GPC5: variants seen among roughly 807,000 people sequenced by gnomAD.
GPC5 encodes glypican 5.
A neutral mutation model predicts 53.9 loss-of-function variants in GPC5; 47 were observed. That is an observed-to-expected ratio of 0.87 (90% CI 0.69 to 1.11). The LOEUF is 1.11. Ranked by LOEUF, GPC5 falls within the 50% of genes most tolerant of loss-of-function variation. The probability of loss-of-function intolerance (pLI) is 0.00; values close to 1 mark genes in which losing one functional copy is unlikely to be tolerated. For missense variants in GPC5, 748 were observed against 713.1 expected (o/e 1.05, Z -0.56); for synonymous variants, 286 against 263.3 (o/e 1.09, Z -0.84).
chr13:92,743,835 G>A (rs556363155), intron 7 of GPC5, among the ~76,000 whole-genome samples: 30 of 152,168 alleles, frequency 2.0e-4, no homozygotes, highest in African/African-American at 6.5e-4. Flanking sequence ...TGCATCTATC[G>A]AGATAATCAT....
intron 7 of GPC5, among the ~76,000 whole-genome samples, chr13:92,295,257 C>A (rs1219152693): frequency 6.6e-6 from 1 of 152,114 alleles, no homozygotes; most frequent in Non-Finnish European, 1.5e-5. Context: ...AAATTTCTAT[C>A]CTGATTTCAT....
In GPC5 at chr13:92,314,207, G is replaced by A. The variant is rs1429907821; in HGVS notation, c.1561+169218G>A. ...GCAAGGGCAGCTAGGTGGTTGCTAG[G>A]TATCTTGTACCTTTCCTCTCTCTCT... On this transcript the variant is annotated intron_variant, in intron 7 of 7. Coordinates refer to ENST00000377067, the MANE Select transcript of GPC5 (RefSeq NM_004466.6). 2.6e-5 allele frequency among the ~76,000 whole-genome samples: 4 copies of A among 152,082 alleles called. No individual in the cohort carries two copies. In the East Asian group the frequency reaches 7.7e-4, roughly 29 times the overall value.
At chr13:91,440,191 C>A (rs61444941) in intron 1 of GPC5, among the ~76,000 whole-genome samples, 1,740 of 152,272 alleles carry the variant, frequency 0.011, 36 homozygotes, top group African/African-American at 0.041. Context: ...CCTGTTTTCT[C>A]TCTTCTTGCC....
intron 2 of GPC5, among the ~76,000 whole-genome samples, chr13:91,625,069 T>C (rs2033962317): frequency 6.6e-6 from 1 of 151,924 alleles, no homozygotes; most frequent in African/African-American, 2.4e-5. Context: ...ACTATTTTTC[T>C]TTGTGTATTC....
chr13:91,402,886 T>C (rs1403149875), intron 1 of GPC5, among the ~76,000 whole-genome samples: 3 of 152,236 alleles, frequency 2.0e-5, no homozygotes, highest in Non-Finnish European at 2.9e-5. Flanking sequence ...ATGGTGAATA[T>C]TTTGTTTATT....
At chr13:91,508,061 G>A (rs1885040422) in intron 2 of GPC5, among the ~76,000 whole-genome samples, 4 of 152,122 alleles carry the variant, frequency 2.6e-5, no homozygotes, top group South Asian at 2.1e-4. Flanking sequence ...TAAAGGATAA[G>A]TGACCTTTCT....
chr13:91,800,777 G>C (rs1334569180), intron 5 of GPC5, among the ~76,000 whole-genome samples: 1 of 151,970 alleles, frequency 6.6e-6, no homozygotes, highest in Non-Finnish European at 1.5e-5. Context: ...CAGATTTTTA[G>C]ACATGGAAGT....
intron 1 of GPC5, among the ~76,000 whole-genome samples, chr13:91,427,188 T>C (rs1879118097): frequency 6.6e-6 from 1 of 152,320 alleles, no homozygotes; most frequent in Admixed American, 6.5e-5. Flanking sequence ...CACTGCCTAG[T>C]GCAGCTGTGA....
chr13:91,816,706 G>A (rs914741258), intron 5 of GPC5, among the ~76,000 whole-genome samples: 1 of 152,060 alleles, frequency 6.6e-6, no homozygotes, highest in Non-Finnish European at 1.5e-5. Context: ...CTTTTTGCAA[G>A]TTTCCCTACA....
At chr13:92,539,112 TG>T (rs1881840001) in intron 7 of GPC5, among the ~76,000 whole-genome samples, 2 of 149,512 alleles carry the variant, frequency 1.3e-5, no homozygotes, top group Admixed American at 6.8e-5. Context: ...TATAATCCTT[TG>T]GGTATATAGT....
intron 6 of GPC5, among the ~76,000 whole-genome samples, chr13:91,971,251 C>T (rs948644070): frequency 5.3e-4 from 80 of 152,092 alleles, no homozygotes; most frequent in African/African-American, 1.8e-3. Context: ...AGTTTATTTG[C>T]GTAGAGGTGT....
intron 5 of GPC5, among the ~76,000 whole-genome samples, chr13:91,899,585 C>T (rs1209346683): frequency 6.6e-6 from 1 of 152,052 alleles, no homozygotes. Flanking sequence ...CCACTAGATA[C>T]TTTAGAATGC....
intron 2 of GPC5, among the ~76,000 whole-genome samples, chr13:91,500,588 G>C: frequency 6.6e-6 from 1 of 152,254 alleles, no homozygotes; most frequent in South Asian, 2.1e-4. Context: ...CCATTTTGAG[G>C]TTATCTTTGG....
chr13:92,079,245 T>G (rs1486172039), intron 6 of GPC5, among the ~76,000 whole-genome samples: 1 of 151,960 alleles, frequency 6.6e-6, no homozygotes, highest in Non-Finnish European at 1.5e-5. Flanking sequence ...AGAGATGAGG[T>G]TTCACCATGT....
intron 7 of GPC5, among the ~76,000 whole-genome samples, chr13:92,190,415 A>C (rs1238631873): frequency 6.6e-6 from 1 of 152,164 alleles, no homozygotes; most frequent in Admixed American, 6.5e-5. Context: ...TTAATAAATC[A>C]AAGTAAAATT....
At chr13:91,979,670 C>T (rs971169976) in intron 6 of GPC5, among the ~76,000 whole-genome samples, 5 of 152,150 alleles carry the variant, frequency 3.3e-5, no homozygotes, top group South Asian at 2.1e-4. Flanking sequence ...CATATTCCTG[C>T]GGCTCCTCTG....
At chr13:92,010,677 G>T (rs981514604) in intron 6 of GPC5, among the ~76,000 whole-genome samples, 23 of 152,178 alleles carry the variant, frequency 1.5e-4, no homozygotes, top group Middle Eastern at 3.4e-3. Context: ...CCCTTTCTCT[G>T]TCTCTCTCCA....
intron 6 of GPC5, among the ~76,000 whole-genome samples, chr13:92,056,468 G>A (rs118116842): frequency 0.021 from 3,217 of 152,188 alleles, 57 homozygotes; most frequent in Middle Eastern, 0.058. Flanking sequence ...AATCTTTGGG[G>A]GAGGGGGAGC....
chr13:92,376,011 C>T (rs1259674876), intron 7 of GPC5, among the ~76,000 whole-genome samples: 4 of 152,132 alleles, frequency 2.6e-5, no homozygotes, highest in Non-Finnish European at 5.9e-5. Flanking sequence ...AATTACCTCA[C>T]ATGTCTTTTT....
Sources: gnomAD v4.1 joint callset for allele counts (sites outside exome capture counted in the v4.1 genomes callset) on GRCh38, gnomAD v4.1.1 for gene constraint, MANE v1.5 for transcripts, NCBI Gene and HGNC (gene_info 2026-07-23, HGNC 2026-07-21) for gene names.